CACNB2: variants seen among roughly 807,000 people sequenced by gnomAD.
CACNB2 encodes voltage-dependent L-type calcium channel subunit beta-2.
CACNB2 carries 42 observed loss-of-function variants against 73.3 expected under a neutral mutation model. That is an observed-to-expected ratio of 0.57 (90% confidence interval 0.45 to 0.74). The LOEUF (loss-of-function observed/expected upper bound fraction) is 0.74. Among genes scored for constraint, CACNB2 ranks in the 30% least tolerant of loss-of-function variants. The probability of loss-of-function intolerance (pLI) is 0.00; values close to 1 mark genes in which losing one functional copy is unlikely to be tolerated. For missense variants in CACNB2, 940 were observed against 853.0 expected, an observed-to-expected ratio of 1.10 and a Z score of -1.27; for synonymous variants, 348 against 310.3, an observed-to-expected ratio of 1.12 and a Z score of -1.28.
chr10:18,342,194 C>T (rs1833259060), intron 2 of CACNB2, among the ~76,000 whole-genome samples: 1 of 152,180 alleles, frequency 6.6e-6, no homozygotes, highest in Non-Finnish European at 1.5e-5. Flanking sequence ...CAGCGGAATT[C>T]TGTGAATTAC....
At position 18,464,418 on chromosome 10, in the gene CACNB2, T is replaced by TTAAAAAAA. The variant is rs1360690647; in HGVS notation, c.334-33937_334-33936insTAAAAAAA. Reference sequence around the variant, plus strand: ...CAGAGTGAGACCCTGTCTCAAAAATTAAAAAAAAAAAAAAAAAAAAAAGAA... The same window carrying TTAAAAAAA: ...CAGAGTGAGACCCTGTCTCAAAAATTTAAAAAAAAAAAAAAAAAAAAAAAAAAAAAGAA... On this transcript the variant is annotated intron_variant, in intron 3 of 13. Coordinates refer to ENST00000324631, the MANE Select transcript of CACNB2 (RefSeq NM_201596.3). 4.6e-4 allele frequency among the ~76,000 whole-genome samples: 39 copies of TTAAAAAAA among 85,288 alleles called. 1 individual carries two copies. The highest frequency in any genetic ancestry group is 6.0e-4 in the African/African-American group (15 of 24,960). The allele number at this position is 85,288 out of a possible 152,430, so 56.0% of individuals were successfully genotyped here.
intron 2 of CACNB2, among the ~76,000 whole-genome samples, chr10:18,289,220 C>G (rs1273245554): frequency 6.6e-6 from 1 of 151,560 alleles, no homozygotes; most frequent in Non-Finnish European, 1.5e-5. Flanking sequence ...GACCCCCTCC[C>G]CAGCAAAAAA....
At chr10:18,210,844 A>T (rs2035288183) in intron 2 of CACNB2, among the ~76,000 whole-genome samples, 1 of 152,210 alleles carries the variant, frequency 6.6e-6, no homozygotes, top group Non-Finnish European at 1.5e-5. Flanking sequence ...CATTATGGAA[A>T]GTGGAGTGGT....
intron 2 of CACNB2, among the ~76,000 whole-genome samples, chr10:18,152,737 A>ACC (rs1229948817): frequency 1.0e-5 from 1 of 99,254 alleles, no homozygotes; most frequent in African/African-American, 5.5e-5. Context: ...AAAAAACAAA[A>ACC]AACAAAACAC....
chr10:18,420,776 A>T (rs1285162060), intron 3 of CACNB2, among the ~76,000 whole-genome samples: 1 of 152,212 alleles, frequency 6.6e-6, no homozygotes, highest in Non-Finnish European at 1.5e-5. Flanking sequence ...CTCTACTTAT[A>T]TGACCATCTT....
At chr10:18,491,584 T>C (rs1402510768) in intron 3 of CACNB2, among the ~76,000 whole-genome samples, 1 of 152,018 alleles carries the variant, frequency 6.6e-6, no homozygotes, top group Admixed American at 6.6e-5. Context: ...AGACCCTGTC[T>C]GGGGGAAAAA....
At chr10:18,426,955 ATTT>A (rs551543429) in intron 3 of CACNB2, among the ~76,000 whole-genome samples, 1 of 81,656 alleles carries the variant, frequency 1.2e-5, no homozygotes, top group Non-Finnish European at 2.2e-5. Flanking sequence ...CCTTTTCTAC[ATTT>A]TTTTTTTTTT....
chr10:18,359,953 T>G (rs1236822792), intron 2 of CACNB2, among the ~76,000 whole-genome samples: 1 of 152,112 alleles, frequency 6.6e-6, no homozygotes, highest in Non-Finnish European at 1.5e-5. Flanking sequence ...AAGAGGAAAT[T>G]AAACTATTCT....
intron 2 of CACNB2, among the ~76,000 whole-genome samples, chr10:18,162,886 G>A (rs2032571574): frequency 6.6e-6 from 1 of 152,202 alleles, no homozygotes; most frequent in Non-Finnish European, 1.5e-5. Flanking sequence ...CAACATTGAT[G>A]TAAAACAGTG....
chr10:18,153,927 G>C (rs1212689528), intron 2 of CACNB2, among the ~76,000 whole-genome samples: 1 of 149,804 alleles, frequency 6.7e-6, no homozygotes, highest in Non-Finnish European at 1.5e-5. Context: ...TTTACATGTT[G>C]TTTTTTAAAG....
intron 2 of CACNB2, among the ~76,000 whole-genome samples, chr10:18,240,384 C>T (rs993239657): frequency 2.0e-5 from 3 of 152,074 alleles, no homozygotes; most frequent in Admixed American, 1.3e-4. Flanking sequence ...TTCCAAGCAG[C>T]GTGGTATGTG....
At chr10:18,171,521 G>GGAAAAAAA (rs1185764878) in intron 2 of CACNB2, among the ~76,000 whole-genome samples, 5 of 32,588 alleles carry the variant, frequency 1.5e-4, no homozygotes, top group East Asian at 8.3e-4. Flanking sequence ...TTTGATAGCA[G>GGAAAAAAA]AAAAAAAAAA....
intron 2 of CACNB2, among the ~76,000 whole-genome samples, chr10:18,189,668 A>G (rs1176672151): frequency 1.3e-5 from 2 of 152,202 alleles, no homozygotes; most frequent in South Asian, 2.1e-4. Context: ...AAGTAGTGCA[A>G]TGGTGAGCAT....
Position 18,214,033 on chromosome 10 carries a change from A to T in CACNB2, c.213+63058A>T, listed in dbSNP as rs16916992. ...GATGTCTTTCCACTGGCTACAGAAG[A>T]TTCCCAGTTTACTTCACGTATCTGA... On this transcript the variant is annotated intron_variant, in intron 2 of 13. Transcript: ENST00000324631. Among the ~76,000 whole-genome samples the T allele has an allele frequency of 3.5e-3, 526 of 152,312 alleles. 9 individuals carry two copies. In the East Asian group the frequency reaches 0.063, roughly 18 times the overall value.
At chr10:18,237,350 A>G (rs759204253) in intron 2 of CACNB2, among the ~76,000 whole-genome samples, 1 of 152,220 alleles carries the variant, frequency 6.6e-6, no homozygotes, top group Non-Finnish European at 1.5e-5. Flanking sequence ...TGATGTCCTT[A>G]TAAGAAGAGA....
intron 3 of CACNB2, among the ~76,000 whole-genome samples, chr10:18,469,630 C>A (rs1033171393): frequency 6.6e-6 from 1 of 152,140 alleles, no homozygotes; most frequent in Non-Finnish European, 1.5e-5. Context: ...ACAAGTAGTT[C>A]GGTTCTAACC....
At chr10:18,183,440 TG>T (rs1201889697) in intron 2 of CACNB2, among the ~76,000 whole-genome samples, 2 of 152,198 alleles carry the variant, frequency 1.3e-5, no homozygotes, top group African/African-American at 4.8e-5. Flanking sequence ...TACTCGAGAC[TG>T]GGTAATTTAT....
chr10:18,380,793 C>T (rs1589192333), intron 2 of CACNB2, among the ~76,000 whole-genome samples: 1 of 151,856 alleles, frequency 6.6e-6, no homozygotes, highest in African/African-American at 2.4e-5. Context: ...GAGAAAGATG[C>T]ATCATAATAT....
At chr10:18,489,494 T>C (rs954175548) in intron 3 of CACNB2, among the ~76,000 whole-genome samples, 4 of 151,566 alleles carry the variant, frequency 2.6e-5, no homozygotes, top group Admixed American at 2.0e-4. Context: ...CAGGCTAGAT[T>C]CAAACCCCTG....
Sources: gnomAD v4.1 joint callset for allele counts (sites outside exome capture counted in the v4.1 genomes callset) on GRCh38, gnomAD v4.1.1 for gene constraint, MANE v1.5 for transcripts, NCBI Gene and HGNC (gene_info 2026-07-23, HGNC 2026-07-21) for gene names.